The following HERC3 variants were observed in gnomAD, a reference collection of about 807,000 sequenced individuals.
The protein encoded by HERC3 is HECT and RLD domain containing E3 ubiquitin protein ligase 3.
HERC3 carries 58 observed loss-of-function variants against 129.9 expected under a neutral mutation model. The observed-to-expected ratio is 0.45, with a 90% CI of 0.36 to 0.56. The LOEUF is 0.56. HERC3 is among the 20% of genes least tolerant of loss of function. HERC3 has a pLI of 0.00. For missense variants in HERC3, 835 were observed against 1,244.2 expected (o/e 0.67, Z 4.95); for synonymous variants, 430 against 451.0 (o/e 0.95, Z 0.59).
chr4:88,610,049 C>T (rs116157694), intron 3 of HERC3, among the ~76,000 whole-genome samples: 1,891 of 152,204 alleles, frequency 0.012, 42 homozygotes, highest in African/African-American at 0.042. Flanking sequence ...CTCTCGTGGC[C>T]ATTTTGGTTT....
intron 3 of HERC3, among the ~76,000 whole-genome samples, chr4:88,638,630 T>C (rs2149253059): frequency 6.6e-6 from 1 of 151,874 alleles, no homozygotes; most frequent in South Asian, 2.1e-4. Context: ...CCACAGCCAG[T>C]ATCGTACTGA....
At chr4:88,550,290 T>G in the HERC3 span, among the ~76,000 whole-genome samples, 1 of 152,104 alleles carries the variant, frequency 6.6e-6, no homozygotes, top group African/African-American at 2.4e-5. Flanking sequence ...CCAGGGCAAT[T>G]AGGCAGGAGA....
At chr4:88,550,148 G>C in the HERC3 span, among the ~76,000 whole-genome samples, 28 of 152,226 alleles carry the variant, frequency 1.8e-4, no homozygotes, top group African/African-American at 6.5e-4. Flanking sequence ...TACCTGCTGT[G>C]ACTGCCCCAG....
intron 3 of HERC3, among the ~76,000 whole-genome samples, chr4:88,643,035 A>G (rs1728296257): frequency 6.6e-6 from 1 of 152,226 alleles, no homozygotes; most frequent in African/African-American, 2.4e-5. Context: ...TTAAAAAACT[A>G]TTAGTTAAAT....
At chr4:88,634,923 C>G (rs1448750954) in intron 3 of HERC3, among the ~76,000 whole-genome samples, 1 of 152,118 alleles carries the variant, frequency 6.6e-6, no homozygotes, top group Non-Finnish European at 1.5e-5. Context: ...GAAGAGGGAC[C>G]TGACTATTGA....
intron 23 of HERC3, chr4:88,693,014 G>T: frequency 1.0e-6 from 1 of 979,008 alleles, no homozygotes; most frequent in Non-Finnish European, 1.2e-6. Context: ...ATATGGAATG[G>T]AATGTCTGAA....
At chr4:88,603,085 CT>C (rs111791277) in intron 2 of HERC3, among the ~76,000 whole-genome samples, 2,338 of 152,242 alleles carry the variant, frequency 0.015, 57 homozygotes, top group African/African-American at 0.052. Flanking sequence ...CAAGTTCAAA[CT>C]TGAGTGTTAG....
Position 88,649,961 on chromosome 4 carries a change from A to G in HERC3, c.348A>G (p.Leu116=), listed in dbSNP as rs773752552. The G allele has an allele frequency of 6.2e-7, 1 of 1,614,028 alleles. No individual in the cohort carries two copies. Among genetic ancestry groups the G allele is most frequent in the Non-Finnish European group, 8.5e-7 (1 of 1,180,016 alleles). The part of the protein sequence containing the change: ...FSWGAGSDGQ[L]GLMTTEDSVA... ...GGGGTGCAGGGAGTGATGGTCAGCT[A>G]GGACTCATGACTACTGAGGATTCTG... Residue 116 remains leucine, a synonymous_variant, in exon 4 of 26, where the codon CTA becomes CTG. Coordinates refer to ENST00000402738, the MANE Select transcript of HERC3 (RefSeq NM_014606.3).
intron 3 of HERC3, among the ~76,000 whole-genome samples, chr4:88,629,858 A>T (rs924486801): frequency 1.3e-5 from 2 of 152,206 alleles, no homozygotes; most frequent in African/African-American, 4.8e-5. Context: ...TTTGTAAAGA[A>T]TTGGAGTGGT....
chr4:88,554,689 G>A, the HERC3 span, among the ~76,000 whole-genome samples: 1 of 152,122 alleles, frequency 6.6e-6, no homozygotes, highest in Admixed American at 6.5e-5. Flanking sequence ...GTTAGAGGAG[G>A]ATATGAAGAG....
At chr4:88,706,678 C>A in intron 25 of HERC3, 74 bp from the exon 26 acceptor site, 1 of 1,223,872 alleles carries the variant, frequency 8.2e-7, no homozygotes, top group Non-Finnish European at 1.2e-6. Context: ...GCCTTCCTCT[C>A]CTGTTGCCAG....
chr4:88,576,410 C>G, the HERC3 span, among the ~76,000 whole-genome samples: 1 of 152,144 alleles, frequency 6.6e-6, no homozygotes, highest in Admixed American at 6.6e-5. Context: ...TCCTGCCACC[C>G]CTTCTGCCCA....
intron 19 of HERC3, 143 bp downstream of exon 19, chr4:88,678,277 T>G: frequency 1.5e-6 from 1 of 656,810 alleles, no homozygotes; most frequent in Non-Finnish European, 2.6e-6. Flanking sequence ...CCTACTTTTG[T>G]CAAATCACCA....
chr4:88,554,380 C>CCAATTATAG, the HERC3 span, among the ~76,000 whole-genome samples: 1 of 149,640 alleles, frequency 6.7e-6, no homozygotes, highest in Non-Finnish European at 1.5e-5. Flanking sequence ...CCTGGCAATA[C>CCAATTATAG]CAATTATAGA....
At chr4:88,562,865 T>C in the HERC3 span, among the ~76,000 whole-genome samples, 1 of 152,240 alleles carries the variant, frequency 6.6e-6, no homozygotes, top group Non-Finnish European at 1.5e-5. Flanking sequence ...TTTATGTGTC[T>C]GTTTTTATGC....
rs761065303 is a variant in HERC3 at position 88,605,829 on chromosome 4, A to T, written c.6A>T (p.Leu2Phe). The change falls in exon 3 of 26, where the codon TTA (leucine) becomes TTT (phenylalanine). Residue 2 changes from leucine (L) to phenylalanine (F), a missense_variant. Transcript: ENST00000402738. M[L>F]CWGYWSLGQP... ...TTCCCTGAAAGATAAGAACAATGTTATGTTGGGGATATTGGTCTCTGGGCC... is the reference window on the plus strand; with the variant it reads ...TTCCCTGAAAGATAAGAACAATGTTTTGTTGGGGATATTGGTCTCTGGGCC... 11 of 1,612,932 alleles carry T rather than the reference A, an allele frequency of 6.8e-6. No individual in the cohort carries two copies. The East Asian group carries it at 2.2e-4, about 33-fold the overall frequency.
At position 88,611,587 on chromosome 4, in the gene HERC3, G is replaced by A. The variant is rs949476919; in HGVS notation, c.226+5538G>A. ...TGAAATATGAAGGATTTTAAAAAGTGAGTGTATGACTGTTCCTCTAAGGCT... is the reference window on the plus strand; with the variant it reads ...TGAAATATGAAGGATTTTAAAAAGTAAGTGTATGACTGTTCCTCTAAGGCT... On this transcript the variant is annotated intron_variant, in intron 3 of 25. Transcript: ENST00000402738. 2.6e-5 allele frequency among the ~76,000 whole-genome samples: 4 copies of A among 152,220 alleles called. No homozygotes were observed. The South Asian group carries it at 8.3e-4, about 31-fold the overall frequency.
intron 3 of HERC3, among the ~76,000 whole-genome samples, chr4:88,628,647 G>C (rs750889628): frequency 6.6e-6 from 1 of 152,154 alleles, no homozygotes; most frequent in Non-Finnish European, 1.5e-5. Context: ...TTTCACATTT[G>C]CTGTAGAAAT....
chr4:88,544,507 A>C, the HERC3 span, among the ~76,000 whole-genome samples: 1 of 152,228 alleles, frequency 6.6e-6, no homozygotes, highest in African/African-American at 2.4e-5. Flanking sequence ...GGAAGGCAGC[A>C]TGGAGATTCC....
Sources: gnomAD v4.1 joint callset for allele counts (sites outside exome capture counted in the v4.1 genomes callset) on GRCh38, gnomAD v4.1.1 for gene constraint, MANE v1.5 for transcripts, NCBI Gene and HGNC (gene_info 2026-07-23, HGNC 2026-07-21) for gene names.